TRRAP: variants seen among roughly 807,000 people sequenced by gnomAD.
The protein encoded by TRRAP is transformation/transcription domain-associated protein.
TRRAP carries 41 observed loss-of-function variants against 438.8 expected under a neutral mutation model. The observed-to-expected ratio is 0.09, with a 90% CI of 0.07 to 0.12. The LOEUF is 0.12. TRRAP is among the 10% of genes least tolerant of loss of function. The pLI, the probability that TRRAP is intolerant of heterozygous loss-of-function variation, is 1.00. For synonymous variants in TRRAP, 1,994 were observed against 1,962.9 expected, an observed-to-expected ratio of 1.02 and a Z score of -0.42; for missense variants, 3,122 against 5,055.1, an observed-to-expected ratio of 0.62 and a Z score of 11.60.
Position 98,981,872 on chromosome 7 carries a change from G to A in TRRAP, c.8738G>A (p.Arg2913His), listed in dbSNP as rs781498125. ...GAGCAGCAGCTCAGCTTCATCGAGC[G>A]CCTGGTGGAGATGGCCAGCAGCCTG... ...PEEQQLSFIE[R>H]LVEMASSLAI... Residue 2913 changes from arginine to histidine, a missense_variant, in exon 59 of 73, where the codon CGC becomes CAC. Around this residue, in one of 24 missense-constraint regions of TRRAP, gnomAD observed 992 missense variants for 1,281.2 expected, o/e 0.77. Coordinates refer to ENST00000456197, the MANE Select transcript of TRRAP (RefSeq NM_001375524.1). 5.6e-6 allele frequency: 9 copies of A among 1,608,810 alleles called. No homozygotes were observed. Among genetic ancestry groups the A allele is most frequent in the Middle Eastern group, 1.7e-4 (1 of 6,014 alleles).
intron 56 of TRRAP, 33 bp downstream of exon 56, chr7:98,977,109 G>C: frequency 1.9e-6 from 3 of 1,611,830 alleles, no homozygotes; most frequent in Non-Finnish European, 1.7e-6. Flanking sequence ...TCTTGGGTGT[G>C]TAATGAGAGG....
chr7:98,955,317 G>T lies in TRRAP; in HGVS notation c.5937+13G>T, dbSNP rs560603911. 6.3e-7 allele frequency: 1 copy of T among 1,594,956 alleles called. No individual in the cohort carries two copies. Among genetic ancestry groups the T allele is most frequent in the African/African-American group, 1.3e-5 (1 of 74,622 alleles). On this transcript the variant is annotated intron_variant, in intron 41 of 72. Transcript: ENST00000456197. Reference sequence around the variant, plus strand: ...GCAACACTTCAAGGTGTGTAGGAGGGACGGTGGGCTGCGGGGCGCGCGTCT... The same window carrying T: ...GCAACACTTCAAGGTGTGTAGGAGGTACGGTGGGCTGCGGGGCGCGCGTCT...
At chr7:98,879,372 G>A (rs1165996063) in intron 1 of TRRAP, among the ~76,000 whole-genome samples, 1 of 152,232 alleles carries the variant, frequency 6.6e-6, no homozygotes, top group African/African-American at 2.4e-5. Context: ...GAGGTTCTTA[G>A]GCAGGGAGAG....
chr7:99,011,558 C>T lies in TRRAP; in HGVS notation c.11337+23C>T, dbSNP rs1414631079. 1 of 1,607,172 alleles carries T rather than the reference C, an allele frequency of 6.2e-7. No homozygotes were observed. The highest frequency in any genetic ancestry group is 8.5e-7 in the Non-Finnish European group (1 of 1,176,738). On this transcript the variant is annotated intron_variant, in intron 72 of 72. Coordinates refer to ENST00000456197, the MANE Select transcript of TRRAP (RefSeq NM_001375524.1). This position sits in a 1 kb window ranked among gnomAD's most constrained non-coding sequence, Gnocchi z 7.1. ...AAGGTGGGTCTCCACGTCGTCCTAT[C>T]ACAGGCGCAGGCTAGAGCCACTCAG... is the stretch of plus-strand genomic sequence containing the variant.
chr7:98,988,336 A>G (rs1584396400), intron 62 of TRRAP, among the ~76,000 whole-genome samples: 2 of 152,248 alleles, frequency 1.3e-5, no homozygotes, highest in Admixed American at 6.5e-5. Flanking sequence ...TAGCAGGACT[A>G]TTTGCAATAA....
chr7:98,939,051 T>G (rs1790679499), intron 30 of TRRAP, among the ~76,000 whole-genome samples: 1 of 152,218 alleles, frequency 6.6e-6, no homozygotes, highest in South Asian at 2.1e-4. Flanking sequence ...GAGGATTTCA[T>G]CTGTTAGCTT....
At chr7:98,992,004 T>C (rs1793450312) in intron 64 of TRRAP, 133 bp from the exon 65 acceptor site, 1 of 923,802 alleles carries the variant, frequency 1.1e-6, no homozygotes, top group Non-Finnish European at 1.7e-6. Flanking sequence ...AGTGCTGCAG[T>C]ATTTGCTTCC....
intron 7 of TRRAP, among the ~76,000 whole-genome samples, chr7:98,896,026 T>TC (rs1796183219): frequency 1.3e-5 from 2 of 152,222 alleles, no homozygotes; most frequent in African/African-American, 4.8e-5. Flanking sequence ...TTCACTTAAG[T>TC]ACTTTTTTTG....
intron 13 of TRRAP, among the ~76,000 whole-genome samples, chr7:98,907,095 G>A (rs1036403969): frequency 2.0e-5 from 3 of 151,648 alleles, no homozygotes; most frequent in African/African-American, 4.8e-5. Context: ...AGGCCGAGGC[G>A]GGCAGATCAC....
chr7:98,982,764 A>G (rs896872407), intron 59 of TRRAP, among the ~76,000 whole-genome samples: 2 of 143,972 alleles, frequency 1.4e-5, no homozygotes, highest in African/African-American at 5.2e-5. Context: ...TGACTCAAAA[A>G]TGTGTTTACA....
At chr7:98,968,097 C>T (rs1792239268) in intron 51 of TRRAP, among the ~76,000 whole-genome samples, 1 of 151,936 alleles carries the variant, frequency 6.6e-6, no homozygotes, top group Non-Finnish European at 1.5e-5. Context: ...CAGCTCACTG[C>T]AACCTCTGCC....
intron 18 of TRRAP, among the ~76,000 whole-genome samples, chr7:98,914,484 T>C (rs1199483672): frequency 6.6e-6 from 1 of 152,104 alleles, no homozygotes; most frequent in Non-Finnish European, 1.5e-5. Flanking sequence ...TTCATTTTTT[T>C]GCCAGCATTA....
At chr7:98,964,300 T>C (rs1427939684) in intron 47 of TRRAP, among the ~76,000 whole-genome samples, 2 of 152,182 alleles carry the variant, frequency 1.3e-5, no homozygotes, top group East Asian at 1.9e-4. Flanking sequence ...CTTTTTCTTA[T>C]TTTTCCCAAA....
Position 98,936,884 on chromosome 7 carries a change from G to A in TRRAP, c.4112-272G>A, listed in dbSNP as rs78614052. ...TTGTCTTTCTCAGGGCCAAACACTA[G>A]GAAAGAGGGCTCGTGGTTCATATTT... On this transcript the variant is annotated intron_variant, in intron 28 of 72. Coordinates refer to ENST00000456197, the MANE Select transcript of TRRAP (RefSeq NM_001375524.1). Among the ~76,000 whole-genome samples, 1,302 of 152,296 alleles carry A rather than the reference G, an allele frequency of 8.5e-3. 24 individuals carry two copies. Among genetic ancestry groups the A allele is most frequent in the African/African-American group, 0.029 (1,195 of 41,554 alleles).
chr7:98,971,697 G>A, intron 52 of TRRAP, 102 bp from the exon 53 acceptor site: 5 of 1,457,992 alleles, frequency 3.4e-6, no homozygotes, highest in Non-Finnish European at 4.6e-6. Context: ...AAACGAACAC[G>A]AATTTTACCA....
Position 98,994,869 on chromosome 7 carries a change from C to A in TRRAP, c.10309+21C>A, listed in dbSNP as rs542897192. 4.4e-6 allele frequency: 7 copies of A among 1,605,406 alleles called. No homozygotes were observed. In the African/African-American group the frequency reaches 5.3e-5, roughly 12 times the overall value. ...GACGGGTGAGTCTCCATTTTCCTTCCCTTCCATAGGGAGAATTGTGCACGC... is the reference window on the plus strand; with the variant it reads ...GACGGGTGAGTCTCCATTTTCCTTCACTTCCATAGGGAGAATTGTGCACGC... On this transcript the variant is annotated intron_variant, in intron 67 of 72. Coordinates refer to ENST00000456197, the MANE Select transcript of TRRAP (RefSeq NM_001375524.1). The surrounding 1 kb of genome is among the most constrained non-coding windows in gnomAD (Gnocchi z 4.8).
intron 63 of TRRAP, among the ~76,000 whole-genome samples, chr7:98,989,295 G>A (rs527695627): frequency 6.6e-6 from 1 of 152,304 alleles, no homozygotes; most frequent in African/African-American, 2.4e-5. Flanking sequence ...CGCCCGTTAG[G>A]TTGTCATCCC....
At chr7:99,009,912 A>T (rs1584421611) in intron 70 of TRRAP, among the ~76,000 whole-genome samples, 4 of 105,470 alleles carry the variant, frequency 3.8e-5, no homozygotes, top group African/African-American at 4.0e-5. Context: ...TTTTAGATAG[A>T]GTTTCGCTGT....
chr7:98,886,859 G>C (rs2190267), intron 3 of TRRAP, among the ~76,000 whole-genome samples: 141,439 of 152,254 alleles, frequency 0.93, 65,849 homozygotes, highest in African/African-American at 0.98. Context: ...AGTTGAGATA[G>C]TTGCAGAATA....
Sources: allele counts gnomAD v4.1 joint callset (sites outside exome capture counted in the v4.1 genomes callset), GRCh38; gene constraint gnomAD v4.1.1; regional missense constraint gnomAD v4.1.1; non-coding constraint Gnocchi (gnomAD v3.1); transcripts MANE v1.5; gene names NCBI Gene and HGNC (gene_info 2026-07-23, HGNC 2026-07-21).